KCNN1: variants seen among roughly 807,000 people sequenced by gnomAD.
KCNN1 encodes the protein potassium calcium-activated channel subfamily N member 1.
KCNN1 carries 20 observed loss-of-function variants against 44.7 expected under a neutral mutation model. That is an observed-to-expected ratio of 0.45 (90% CI 0.32 to 0.65). The LOEUF is 0.65. Among genes scored for constraint, KCNN1 ranks in the 30% least tolerant of loss-of-function variants. The probability of loss-of-function intolerance (pLI) is 0.05; values close to 1 mark genes in which losing one functional copy is unlikely to be tolerated. For missense variants in KCNN1, 632 were observed against 785.3 expected (o/e 0.80, Z 2.33); for synonymous variants, 324 against 341.7 (o/e 0.95, Z 0.57).
chr19:17,985,598 CT>C (rs2145955419), intron 5 of KCNN1, 145 bp downstream of exon 5: 1 of 676,272 alleles, frequency 1.5e-6, no homozygotes, highest in East Asian at 3.2e-5. Flanking sequence ...CAGTCCACCC[CT>C]CCCCTGCTCT....
At chr19:17,964,443 G>A (rs917311601), upstream of KCNN1, among the ~76,000 whole-genome samples, 32 of 152,348 alleles carry the variant, frequency 2.1e-4, no homozygotes, top group Non-Finnish European at 1.5e-5. The surrounding 1 kb of genome is among the most constrained non-coding windows in gnomAD (Gnocchi z 4.3). Context: ...GGCCCCCTGC[G>A]GAGGGGCTTG....
Position 17,981,870 on chromosome 19 carries a change from G to C in KCNN1, c.660G>C (p.Ser220=), listed in dbSNP as rs755317687. 13 of 1,612,432 alleles carry C rather than the reference G, an allele frequency of 8.1e-6. 2 individuals are homozygous for C. In the South Asian group the frequency reaches 1.4e-4, roughly 18 times the overall value. Residue 220 remains serine, a synonymous_variant, in exon 4 of 10, where the codon TCG becomes TCC. Coordinates refer to ENST00000684775, the MANE Select transcript of KCNN1 (RefSeq NM_001386974.1). ...TARLAFTYAP[S]VAEADVDVLL... ...GGCTGGCCTTCACGTACGCGCCCTC[G>C]GTGGCCGAGGCCGACGTGGACGTGC...
At chr19:17,992,348 G>A (rs1432737596) in intron 7 of KCNN1, among the ~76,000 whole-genome samples, 1 of 151,228 alleles carries the variant, frequency 6.6e-6, no homozygotes, top group Admixed American at 6.6e-5. Flanking sequence ...GCTCATGCCT[G>A]TAATCCTTTT....
At chr19:17,982,220 T>G (rs1054275293) in intron 4 of KCNN1, 93 bp downstream of exon 4, 7 of 1,018,418 alleles carry the variant, frequency 6.9e-6, no homozygotes, top group African/African-American at 2.2e-5. Flanking sequence ...CCTGGGCCCC[T>G]CCCGACCCTG....
rs577750503 is a variant in KCNN1, at chr19:17,960,195, C to T, written c.-82+5514C>T. 3.9e-5 allele frequency among the ~76,000 whole-genome samples: 6 copies of T among 152,212 alleles called. No homozygotes were observed. The South Asian group carries it at 1.2e-3, about 32-fold the overall frequency. On this transcript the variant is annotated intron_variant, in intron 2 of 10. Transcript: ENST00000222249. Reference sequence around the variant, plus strand: ...TTCATGGAGCACTAGTGCTGAACCTCATGCCACTGGCCTCCAATGAGGCCA... The same window carrying T: ...TTCATGGAGCACTAGTGCTGAACCTTATGCCACTGGCCTCCAATGAGGCCA...
In KCNN1 at chr19:17,983,748, C is replaced by G. The variant is rs2032502106; in HGVS notation, c.918-1564C>G. The stretch of plus-strand genomic sequence containing the variant: ...TCCTGGGTGGTCCCGCGGCACCCCC[C>G]ACCATCGCTCCGTCTGGATCTGGGG... On this transcript the variant is annotated intron_variant, in intron 4 of 9. Transcript: ENST00000684775. This position sits in a 1 kb window ranked among gnomAD's most constrained non-coding sequence, Gnocchi z 4.5. 6.6e-6 allele frequency among the ~76,000 whole-genome samples: 1 copy of G among 152,084 alleles called. No individual in the cohort carries two copies. The highest frequency in any genetic ancestry group is 2.1e-4 in the South Asian group (1 of 4,838).
chr19:17,982,011 C>T lies in KCNN1; in HGVS notation c.801C>T (p.Thr267=), dbSNP rs1293991268. The change falls in exon 4 of 10, where the codon ACC becomes ACT. Residue 267 remains threonine, a synonymous_variant. Coordinates refer to ENST00000684775, the MANE Select transcript of KCNN1 (RefSeq NM_001386974.1). The part of the protein sequence containing the change: ...SRSIGALNKI[T]FNTRFVMKTL... ...GCATCGGGGCCCTCAACAAGATCAC[C>T]TTCAACACGCGCTTCGTCATGAAGA... is the stretch of plus-strand genomic sequence containing the variant. 1 of 1,610,582 alleles carries T rather than the reference C, an allele frequency of 6.2e-7. No homozygotes were observed. Among genetic ancestry groups the T allele is most frequent in the African/African-American group, 1.3e-5 (1 of 74,838 alleles).
chr19:17,956,127 G>A (rs376281576), intron 2 of KCNN1, among the ~76,000 whole-genome samples: 2 of 152,172 alleles, frequency 1.3e-5, no homozygotes, highest in Admixed American at 1.3e-4. Context: ...CAGTAGAGAT[G>A]GGGTTTCCCC....
chr19:17,987,089 G>A (rs1177353547), intron 5 of KCNN1, among the ~76,000 whole-genome samples: 1 of 150,394 alleles, frequency 6.6e-6, no homozygotes, highest in East Asian at 2.0e-4. Flanking sequence ...TTACAGGCAT[G>A]ACGCCACCAC....
chr19:17,974,809 C>A lies in KCNN1; in HGVS notation c.403-283C>A, dbSNP rs1224547809. Among the ~76,000 whole-genome samples, 2 of 152,240 alleles carry A rather than the reference C, an allele frequency of 1.3e-5. No homozygotes were observed. Reference sequence around the variant, plus strand: ...AGGCCAGGCCTCATAAACTGTGAAGCACTGGACACATCTTGCTGTCAGCCC... The same window carrying A: ...AGGCCAGGCCTCATAAACTGTGAAGAACTGGACACATCTTGCTGTCAGCCC... On this transcript the variant is annotated intron_variant, in intron 2 of 9. Transcript: ENST00000684775. This position sits in a 1 kb window ranked among gnomAD's most constrained non-coding sequence, Gnocchi z 7.3.
At chr19:17,976,194 C>G (rs1429565977) in intron 3 of KCNN1, among the ~76,000 whole-genome samples, 9 of 151,896 alleles carry the variant, frequency 5.9e-5, no homozygotes, top group Non-Finnish European at 1.3e-4. Context: ...GTAATCCCAG[C>G]TATTTGGGAG....
At chr19:17,953,113 A>G (rs2031457186) in intron 1 of KCNN1, among the ~76,000 whole-genome samples, 1 of 152,136 alleles carries the variant, frequency 6.6e-6, no homozygotes, top group African/African-American at 2.4e-5. Flanking sequence ...TGAGCCAAGA[A>G]GCCCCGGCCT....
Position 17,993,404 on chromosome 19 carries a change from CG to C in KCNN1, c.1308-83del. Reference sequence around the variant, plus strand: ...CTGATGCATGTCCCATAGGTGACCCCGGGTGGGTGCATGAAAGTCCCTGCCC... The same window carrying C: ...CTGATGCATGTCCCATAGGTGACCCCGGTGGGTGCATGAAAGTCCCTGCCC... On this transcript the variant is annotated intron_variant, in intron 8 of 9. Coordinates refer to ENST00000684775, the MANE Select transcript of KCNN1 (RefSeq NM_001386974.1). This position sits in a 1 kb window ranked among gnomAD's most constrained non-coding sequence, Gnocchi z 4.5. The C allele has an allele frequency of 1.0e-6, 1 of 972,800 alleles. No individual in the cohort carries two copies. Among genetic ancestry groups the C allele is most frequent in the Non-Finnish European group, 1.6e-6 (1 of 618,908 alleles). 60.3% of individuals were successfully genotyped at this position (972,800 alleles called of 1,614,324 possible). A position where few individuals can be genotyped will look rare whatever the true frequency, so the allele number is the denominator to read the frequency against.
chr19:17,956,005 C>T lies in KCNN1; in HGVS notation c.-82+1324C>T, dbSNP rs532187278. On this transcript the variant is annotated intron_variant, in intron 2 of 10. Coordinates refer to the KCNN1 transcript ENST00000222249. ...AGCGCAGTGGCATGATCTTGGCTCA[C>T]TGCAACCTCCACCCTCCACCCCACC... is the stretch of plus-strand genomic sequence containing the variant. Among the ~76,000 whole-genome samples, 14 of 152,220 alleles carry T rather than the reference C, an allele frequency of 9.2e-5. No individual in the cohort carries two copies. The East Asian group carries it at 1.9e-3, about 21-fold the overall frequency.
intron 1 of KCNN1, among the ~76,000 whole-genome samples, chr19:17,971,556 G>A (rs941587552): frequency 9.2e-5 from 14 of 151,970 alleles, no homozygotes; most frequent in South Asian, 6.2e-4. Context: ...TCCGCCTCCC[G>A]GGTTCAAGCG....
Position 17,974,558 on chromosome 19 carries a change from GGACA to G in KCNN1, c.402+270_402+273del, listed in dbSNP as rs2032142348. Among the ~76,000 whole-genome samples the G allele has an allele frequency of 6.6e-6, 1 of 152,164 alleles. No individual in the cohort carries two copies. Among genetic ancestry groups the G allele is most frequent in the Non-Finnish European group, 1.5e-5 (1 of 68,000 alleles). ...TAAGGCGGAGGGGGGCTTCCCCCCA[GGACA>G]GGGGTTCCCCAGAGTGGGCCTGCTC... On this transcript the variant is annotated intron_variant, in intron 2 of 9. Transcript: ENST00000684775. The surrounding 1 kb of genome is among the most constrained non-coding windows in gnomAD (Gnocchi z 7.3).
Position 17,993,434 on chromosome 19 carries a change from CT to C in KCNN1, c.1308-55del, listed in dbSNP as rs576067445. On this transcript the variant is annotated intron_variant, in intron 8 of 9. Transcript: ENST00000684775. The surrounding 1 kb of genome is among the most constrained non-coding windows in gnomAD (Gnocchi z 4.5). The stretch of plus-strand genomic sequence containing the variant: ...GGGTGCATGAAAGTCCCTGCCCCCA[CT>C]GCAGCCTCCACGGGAACCTGCCTAA... The C allele has an allele frequency of 0.013, 18,134 of 1,363,910 alleles. 168 individuals carry two copies. The highest frequency in any genetic ancestry group is 0.016 in the Non-Finnish European group (15,804 of 964,012). 84.5% of individuals were successfully genotyped at this position (1,363,910 alleles called of 1,614,324 possible).
At chr19:17,960,197 T>G (rs184010725) in intron 2 of KCNN1, among the ~76,000 whole-genome samples, 64 of 152,172 alleles carry the variant, frequency 4.2e-4, no homozygotes, top group African/African-American at 1.5e-3. Context: ...CTGAACCTCA[T>G]GCCACTGGCC....
chr19:17,994,991 A>G (rs997577058), intron 9 of KCNN1, among the ~76,000 whole-genome samples: 9 of 152,220 alleles, frequency 5.9e-5, no homozygotes, highest in African/African-American at 1.7e-4. Flanking sequence ...CTCAGTGGCT[A>G]CATCCCCTGA....
Sources: allele counts gnomAD v4.1 joint callset (sites outside exome capture counted in the v4.1 genomes callset), GRCh38; gene constraint gnomAD v4.1.1; non-coding constraint Gnocchi (gnomAD v3.1); transcripts MANE v1.5; gene names NCBI Gene and HGNC (gene_info 2026-07-23, HGNC 2026-07-21).